Variants in EPM2A observed in about 807,000 individuals in gnomAD.
EPM2A encodes the protein laforin.
A neutral mutation model predicts 26.5 loss-of-function variants in EPM2A; 21 were observed. The ratio of observed to expected loss-of-function variants is 0.79; its 90% CI spans 0.56 to 1.14. The LOEUF is 1.14. EPM2A is among the 50% of genes most tolerant of loss of function. The pLI is 0.00. For synonymous variants in EPM2A, 217 were observed against 177.6 expected, an observed-to-expected ratio of 1.22 and a Z score of -1.76; for missense variants, 458 against 440.8, an observed-to-expected ratio of 1.04 and a Z score of -0.35.
At position 145,488,522 on chromosome 6, in the gene EPM2A, TGAGAGAGA is replaced by T. The variant is rs200590979; in HGVS notation, c.555+13992_555+13999del. ...GTGTGTGTGTGTGTGTGTGTGTGTGTGAGAGAGAGAGAGAGAGAGAGAGAGAGATACTT... is the reference window on the plus strand; with the variant it reads ...GTGTGTGTGTGTGTGTGTGTGTGTGTGAGAGAGAGAGAGAGAGAGATACTT... On this transcript the variant is annotated intron_variant, in intron 4 of 4. Transcript: ENST00000638717. 4.9e-4 allele frequency among the ~76,000 whole-genome samples: 69 copies of T among 140,002 alleles called. No individual in the cohort carries two copies. In the East Asian group the frequency reaches 0.012, roughly 25 times the overall value. 91.8% of individuals were successfully genotyped at this position (140,002 alleles called of 152,430 possible). A position where few individuals can be genotyped will look rare whatever the true frequency, so the allele number is the denominator to read the frequency against.
At chr6:145,523,717 A>G (rs1360757217) in intron 2 of EPM2A, among the ~76,000 whole-genome samples, 2 of 152,154 alleles carry the variant, frequency 1.3e-5, no homozygotes, top group African/African-American at 2.4e-5. Flanking sequence ...ATATCCTACA[A>G]TGACCTCTAA....
At chr6:145,697,203 G>A (rs565709248) in intron 1 of EPM2A, among the ~76,000 whole-genome samples, 132 of 152,224 alleles carry the variant, frequency 8.7e-4, no homozygotes, top group Non-Finnish European at 1.5e-3. Context: ...TTTAAAGCTG[G>A]GTGTATGGGG....
chr6:145,455,390 C>CT (rs1192418594), intron 4 of EPM2A, among the ~76,000 whole-genome samples: 1 of 152,154 alleles, frequency 6.6e-6, no homozygotes, highest in Non-Finnish European at 1.5e-5. Context: ...CCGAGTCTCA[C>CT]TCTGTTGCCC....
intron 4 of EPM2A, among the ~76,000 whole-genome samples, chr6:145,469,481 T>G (rs1302292308): frequency 6.6e-6 from 1 of 152,072 alleles, no homozygotes; most frequent in Non-Finnish European, 1.5e-5. Flanking sequence ...AGATATCATC[T>G]CACTCCAGTT....
At chr6:145,681,620 G>T (rs529529635) in intron 2 of EPM2A, among the ~76,000 whole-genome samples, 1,831 of 151,318 alleles carry the variant, frequency 0.012, 41 homozygotes, top group African/African-American at 0.043. Context: ...TGGCTAGCCA[G>T]TTTTCCCAGC....
chr6:145,417,910 C>T (rs1305722723), intron 4 of EPM2A, among the ~76,000 whole-genome samples: 1 of 152,126 alleles, frequency 6.6e-6, no homozygotes. Flanking sequence ...TCCTTCAGCT[C>T]CTTCAGGTGC....
intron 4 of EPM2A, among the ~76,000 whole-genome samples, chr6:145,400,855 C>T (rs1352927331): frequency 6.6e-6 from 1 of 152,056 alleles, no homozygotes; most frequent in African/African-American, 2.4e-5. Context: ...TCATCCGGGG[C>T]TCTGCTTCCC....
At chr6:145,705,402 A>C (rs1381766752) in intron 1 of EPM2A, 2 of 357,204 alleles carry the variant, frequency 5.6e-6, no homozygotes, top group Non-Finnish European at 1.1e-5. Context: ...CACACACACA[A>C]GTTAGCTGGG....
chr6:145,412,665 T>A (rs1223461678), intron 4 of EPM2A, among the ~76,000 whole-genome samples: 1 of 152,240 alleles, frequency 6.6e-6, no homozygotes, highest in Non-Finnish European at 1.5e-5. Flanking sequence ...ATATATTTAC[T>A]GAGGGATTGA....
chr6:145,569,324 C>T (rs1029701080), intron 2 of EPM2A, among the ~76,000 whole-genome samples: 1 of 152,178 alleles, frequency 6.6e-6, no homozygotes, highest in Non-Finnish European at 1.5e-5. Flanking sequence ...CAATTACTCA[C>T]GAGAGAGTAC....
chr6:145,602,516 T>C (rs752928611), intron 2 of EPM2A, among the ~76,000 whole-genome samples: 64 of 152,200 alleles, frequency 4.2e-4, no homozygotes, highest in Non-Finnish European at 8.5e-4. Flanking sequence ...GACATATTCA[T>C]ATTGTATGGC....
chr6:145,608,146 T>G (rs142442805), intron 2 of EPM2A, among the ~76,000 whole-genome samples: 92 of 152,366 alleles, frequency 6.0e-4, no homozygotes, highest in African/African-American at 1.9e-3. Context: ...CACATAACTT[T>G]TATTACAGTA....
In EPM2A at chr6:145,502,881, G is replaced by T. The variant is rs148869630; in HGVS notation, c.341-306C>A. ...TAATTATTACATTGAATTGAACAATGATTTTAATGCAGATTCATAATATTC... is the reference window on the plus strand; with the variant it reads ...TAATTATTACATTGAATTGAACAATTATTTTAATGCAGATTCATAATATTC... On this transcript the variant is annotated intron_variant, in intron 2 of 3. Coordinates refer to the EPM2A transcript ENST00000450221. Among the ~76,000 whole-genome samples the T allele has an allele frequency of 4.9e-3, 750 of 152,224 alleles. 4 individuals carry two copies. Among genetic ancestry groups the T allele is most frequent in the Admixed American group, 0.011 (169 of 15,296 alleles).
chr6:145,468,067 T>C (rs1337695556), intron 4 of EPM2A, among the ~76,000 whole-genome samples: 2 of 152,096 alleles, frequency 1.3e-5, no homozygotes, highest in Non-Finnish European at 1.5e-5. Flanking sequence ...GCGTAACCAA[T>C]GAATACATGT....
chr6:145,447,981 C>A (rs1278828711), intron 4 of EPM2A, among the ~76,000 whole-genome samples: 1 of 152,060 alleles, frequency 6.6e-6, no homozygotes, highest in African/African-American at 2.4e-5. Context: ...ACTTGATAAA[C>A]TATTGGAATC....
intron 2 of EPM2A, among the ~76,000 whole-genome samples, chr6:145,672,847 A>G (rs1779749432): frequency 6.6e-6 from 1 of 152,220 alleles, no homozygotes; most frequent in Admixed American, 6.5e-5. Flanking sequence ...GTCTAGGAAA[A>G]AAAAGTAGTA....
chr6:145,701,901 C>CCA (rs71552938), intron 1 of EPM2A, among the ~76,000 whole-genome samples: 12 of 151,962 alleles, frequency 7.9e-5, no homozygotes, highest in Non-Finnish European at 1.0e-4. Flanking sequence ...TTGCCAATTG[C>CCA]CACACACACA....
intron 2 of EPM2A, among the ~76,000 whole-genome samples, chr6:145,587,419 G>A (rs886880765): frequency 1.3e-5 from 2 of 152,174 alleles, no homozygotes; most frequent in Non-Finnish European, 2.9e-5. Context: ...ATTGCCTGAT[G>A]TTTACTCTCA....
intron 4 of EPM2A, among the ~76,000 whole-genome samples, chr6:145,482,576 T>C (rs1779623454): frequency 6.6e-6 from 1 of 152,116 alleles, no homozygotes; most frequent in Non-Finnish European, 1.5e-5. Context: ...ATGTAATCTT[T>C]ATTTGGACAA....
Sources: gnomAD v4.1 joint callset for allele counts (sites outside exome capture counted in the v4.1 genomes callset) on GRCh38, gnomAD v4.1.1 for gene constraint, MANE v1.5 for transcripts, NCBI Gene and HGNC (gene_info 2026-07-23, HGNC 2026-07-21) for gene names.